YME1L1: variants seen among roughly 807,000 people sequenced by gnomAD.
YME1L1 encodes the protein ATP-dependent zinc metalloprotease YME1L1.
YME1L1 carries 39 observed loss-of-function variants against 90.4 expected under a neutral mutation model. The observed-to-expected ratio is 0.43, with a 90% CI of 0.33 to 0.56. YME1L1 has a LOEUF of 0.56. Ranked by LOEUF, YME1L1 falls within the 20% of genes least tolerant of loss-of-function variation. YME1L1 has a pLI of 0.03. For missense variants in YME1L1, 617 were observed against 868.4 expected (o/e 0.71, Z 3.64); for synonymous variants, 284 against 287.3 (o/e 0.99, Z 0.12).
intron 9 of YME1L1, among the ~76,000 whole-genome samples, chr10:27,125,709 C>G (rs1465065979): frequency 6.8e-6 from 1 of 148,140 alleles, no homozygotes; most frequent in African/African-American, 2.5e-5. Context: ...GGAACAATCT[C>G]GGCTCACTGC....
intron 8 of YME1L1, among the ~76,000 whole-genome samples, chr10:27,131,642 C>T (rs1340121758): frequency 6.6e-6 from 1 of 152,238 alleles, no homozygotes; most frequent in East Asian, 1.9e-4. Context: ...ATTCACTCCA[C>T]TACACCAGGC....
intron 1 of YME1L1, chr10:27,153,373 TG>T (rs1334747512): frequency 2.9e-6 from 1 of 339,976 alleles, no homozygotes; most frequent in Non-Finnish European, 6.0e-6. Context: ...AACCTAAGAG[TG>T]TCGATTTTCT....
rs1365876753 is a variant in YME1L1 at position 27,126,688 on chromosome 10, T to C, written c.949+8A>G. 3 of 1,438,780 alleles carry C rather than the reference T, an allele frequency of 2.1e-6. No homozygotes were observed. The highest frequency in any genetic ancestry group is 2.9e-6 in the Non-Finnish European group (3 of 1,050,264). 89.1% of individuals were successfully genotyped at this position (1,438,780 alleles called of 1,614,324 possible). On this transcript the variant is annotated splice_region_variant and intron_variant, in intron 9 of 18. Transcript: ENST00000376016. The stretch of plus-strand genomic sequence containing the variant: ...CCATCAAATCATGATAAAGAAAAGA[T>C]ATCTTACCTTTTGGAAGTTTACCTC...
intron 4 of YME1L1, among the ~76,000 whole-genome samples, chr10:27,137,991 C>T (rs1458753985): frequency 1.3e-5 from 2 of 151,978 alleles, no homozygotes; most frequent in Admixed American, 6.6e-5. Flanking sequence ...AGGTAGTCTA[C>T]TTACTTCTAA....
intron 9 of YME1L1, among the ~76,000 whole-genome samples, chr10:27,125,406 C>T (rs1313697686): frequency 1.4e-5 from 2 of 139,374 alleles, no homozygotes; most frequent in African/African-American, 5.3e-5. Flanking sequence ...GAAAGATCCT[C>T]TTCTCTCCAC....
chr10:27,128,495 T>C (rs1194200417), intron 8 of YME1L1, among the ~76,000 whole-genome samples: 1 of 151,746 alleles, frequency 6.6e-6, no homozygotes, highest in East Asian at 1.9e-4. Context: ...CAGCACTTTG[T>C]GAGGCTGAGA....
intron 17 of YME1L1, 35 bp downstream of exon 17, chr10:27,116,025 T>C (rs1434825786): frequency 6.4e-7 from 1 of 1,566,188 alleles, no homozygotes; most frequent in Non-Finnish European, 8.8e-7. Context: ...TGACACATAA[T>C]TTGATACATG....
intron 10 of YME1L1, 117 bp downstream of exon 10, chr10:27,123,430 G>A: frequency 3.4e-6 from 4 of 1,172,226 alleles, no homozygotes; most frequent in Non-Finnish European, 4.8e-6. Flanking sequence ...AAAGCTGGAG[G>A]CCCCAAAAAA....
intron 7 of YME1L1, among the ~76,000 whole-genome samples, 167 bp downstream of exon 7, chr10:27,133,872 A>G (rs1472887573): frequency 6.6e-6 from 1 of 152,172 alleles, no homozygotes; most frequent in African/African-American, 2.4e-5. Context: ...TTGGACAGGT[A>G]TCATTTTCTA....
rs1486514551 is a variant in YME1L1, at chr10:27,145,467, A to T, written c.292T>A (p.Ser98Thr). 6 of 1,613,312 alleles carry T rather than the reference A, an allele frequency of 3.7e-6. No homozygotes were observed. Among genetic ancestry groups the T allele is most frequent in the Admixed American group, 1.7e-5 (1 of 60,010 alleles). Residue 98 changes from serine to threonine, a missense_variant, in exon 3 of 19, where the codon TCC becomes ACC. Ser to Thr is a moderately conservative substitution (Grantham distance 58). Coordinates refer to ENST00000376016, the MANE Select transcript of YME1L1 (RefSeq NM_014263.4). ...AAGAAGGATTGTGCAGAGACATGGG[A>T]TGTATGCCAATGGGAAGAAATGTTT... Reference protein sequence around the residue: ...GKNISSHWHTSHVSAQSFFEN... With the variant: ...GKNISSHWHTTHVSAQSFFEN...
intron 11 of YME1L1, 53 bp from the exon 12 acceptor site, chr10:27,121,501 T>C: frequency 3.2e-6 from 4 of 1,267,154 alleles, no homozygotes; most frequent in South Asian, 1.2e-5. Flanking sequence ...ACAGCACACA[T>C]GTAGAAATGC....
chr10:27,113,055 A>G (rs376197137), intron 18 of YME1L1, among the ~76,000 whole-genome samples: 16 of 151,308 alleles, frequency 1.1e-4, no homozygotes, highest in African/African-American at 3.9e-4. Context: ...AATGCTCTCT[A>G]CAAAAAATAA....
At chr10:27,119,975 T>C (rs916792630) in intron 13 of YME1L1, among the ~76,000 whole-genome samples, 1 of 152,208 alleles carries the variant, frequency 6.6e-6, no homozygotes, top group African/African-American at 2.4e-5. Flanking sequence ...AATGAATTGA[T>C]ACAGCTATCT....
Position 27,112,102 on chromosome 10 carries a change from T to G in YME1L1, c.2026A>C (p.Lys676Gln). 1 of 1,613,748 alleles carries G rather than the reference T, an allele frequency of 6.2e-7. No individual in the cohort carries two copies. The highest frequency in any genetic ancestry group is 8.5e-7 in the Non-Finnish European group (1 of 1,179,900). The change falls in exon 19 of 19, where the codon AAA (lysine) becomes CAA (glutamine). Residue 676 changes from lysine to glutamine, a missense_variant. By Grantham distance (53) the Lys-to-Gln change is moderately conservative. Coordinates refer to ENST00000376016, the MANE Select transcript of YME1L1 (RefSeq NM_014263.4). The stretch of plus-strand genomic sequence containing the variant: ...TTTGCATGAGTTTTCAAGATATGTT[T>G]TGCTCGTTCATATGAGTCCTGAAAC... The part of the protein sequence containing the change: ...ILLRDSYERA[K>Q]HILKTHAKEH...
At chr10:27,141,421 T>C (rs987991899) in intron 4 of YME1L1, among the ~76,000 whole-genome samples, 1 of 152,124 alleles carries the variant, frequency 6.6e-6, no homozygotes, top group Non-Finnish European at 1.5e-5. Flanking sequence ...TGACTACAAA[T>C]GGGTATCCTC....
At chr10:27,136,110 C>T (rs570876309) in intron 5 of YME1L1, among the ~76,000 whole-genome samples, 166 bp downstream of exon 5, 31 of 151,994 alleles carry the variant, frequency 2.0e-4, no homozygotes, top group Non-Finnish European at 3.7e-4. Context: ...AAGTCTGGTG[C>T]CCAGAAGAGT....
intron 7 of YME1L1, among the ~76,000 whole-genome samples, chr10:27,132,336 T>A (rs2056985497): frequency 6.6e-6 from 1 of 151,466 alleles, no homozygotes; most frequent in East Asian, 2.0e-4. Flanking sequence ...TGACCTCAGG[T>A]GATCCACCCG....
chr10:27,153,116 A>T, intron 1 of YME1L1: 1 of 458,888 alleles, frequency 2.2e-6, no homozygotes, highest in Non-Finnish European at 4.5e-6. Context: ...CAGGACCTCC[A>T]GGTATTTTTC....
chr10:27,141,550 T>C (rs1395115304), intron 4 of YME1L1, among the ~76,000 whole-genome samples: 1 of 151,496 alleles, frequency 6.6e-6, no homozygotes, highest in Non-Finnish European at 1.5e-5. Flanking sequence ...GCTTCTTTCT[T>C]TCCTTGGCAT....
Sources: gnomAD v4.1 joint callset for allele counts (sites outside exome capture counted in the v4.1 genomes callset) on GRCh38, gnomAD v4.1.1 for gene constraint, MANE v1.5 for transcripts, NCBI Gene and HGNC (gene_info 2026-07-23, HGNC 2026-07-21) for gene names.